SHANK1: variants seen among roughly 807,000 people sequenced by gnomAD.
SHANK1 encodes the protein SH3 and multiple ankyrin repeat domains 1.
In SHANK1, 35 loss-of-function variants were observed where a neutral mutation model predicts 165.6. The observed-to-expected ratio is 0.21, with a 90% CI of 0.16 to 0.28. The LOEUF (loss-of-function observed/expected upper bound fraction) is 0.28, where lower values mean the gene tolerates loss of function less well. SHANK1 is among the 10% of genes least tolerant of loss of function. The pLI is 1.00. For missense variants in SHANK1, 2,681 were observed against 3,036.4 expected (o/e 0.88, Z 2.75); for synonymous variants, 1,428 against 1,384.8 (o/e 1.03, Z -0.69).
intron 12 of SHANK1, among the ~76,000 whole-genome samples, chr19:50,701,738 G>A (rs1044907140): frequency 2.0e-5 from 3 of 152,140 alleles, no homozygotes; most frequent in African/African-American, 7.2e-5. Flanking sequence ...GCAAAGAATT[G>A]TTCCAATGCC....
intron 4 of SHANK1, 90 bp downstream of exon 4, chr19:50,715,569 A>G (rs1357360235): frequency 1.7e-5 from 19 of 1,145,034 alleles, no homozygotes; most frequent in Non-Finnish European, 2.0e-5. Context: ...GTGGAGGTCT[A>G]TTGGGAAGAG....
Position 50,716,021 on chromosome 19 carries a change from C to A in SHANK1, c.459+254G>T, listed in dbSNP as rs533448966. Among the ~76,000 whole-genome samples the A allele has an allele frequency of 9.2e-5, 14 of 152,264 alleles. No individual in the cohort carries two copies. The highest frequency in any genetic ancestry group is 3.4e-4 in the African/African-American group (14 of 41,556). Reference sequence around the variant, plus strand: ...AGTGCCTACTGTAATTGGGAATCCTCCCCCAATTTGATGGGTGAGGAGAAG... The same window carrying A: ...AGTGCCTACTGTAATTGGGAATCCTACCCCAATTTGATGGGTGAGGAGAAG... On this transcript the variant is annotated intron_variant, in intron 3 of 23. Transcript: ENST00000293441. This position sits in a 1 kb window ranked among gnomAD's most constrained non-coding sequence, Gnocchi z 8.4.
intron 15 of SHANK1, 135 bp downstream of exon 15, chr19:50,696,961 C>T: frequency 1.3e-6 from 1 of 758,638 alleles, no homozygotes; most frequent in Non-Finnish European, 2.3e-6. Context: ...AGATGCGTGT[C>T]ATGCACACCT....
In SHANK1 at chr19:50,659,362, G is replaced by T. The variant is rs1212174221; in HGVS notation, c.*2603C>A. 7.8e-6 allele frequency: 3 copies of T among 382,178 alleles called. No homozygotes were observed. The highest frequency in any genetic ancestry group is 4.6e-5 in the Admixed American group (1 of 21,668). The allele number at this position is 382,178 out of a possible 1,614,324, so 23.7% of individuals were successfully genotyped here. ...AGTCAGGGGAAGGGAGGTGATGGGG[G>T]GTAGGAATGAACCCCCATGTTATAA... On this transcript the variant is annotated 3_prime_UTR_variant, in exon 24 of 24. Coordinates refer to ENST00000293441, the MANE Select transcript of SHANK1 (RefSeq NM_016148.5).
intron 21 of SHANK1, among the ~76,000 whole-genome samples, chr19:50,680,559 C>CG (rs1015342445): frequency 4.1e-4 from 62 of 152,132 alleles, no homozygotes; most frequent in African/African-American, 1.5e-3. Flanking sequence ...CTGGGCTCCG[C>CG]GCCCCTGCTG....
At position 50,667,757 on chromosome 19, in the gene SHANK1, G is replaced by A. The variant is rs944459962; in HGVS notation, c.4203C>T (p.His1401=). The A allele has an allele frequency of 6.1e-6, 8 of 1,312,444 alleles. No homozygotes were observed. The highest frequency in any genetic ancestry group is 2.7e-4 in the Middle Eastern group (1 of 3,724). The allele number at this position is 1,312,444 out of a possible 1,614,324, so 81.3% of individuals were successfully genotyped here. The change falls in exon 23 of 24, where the codon CAC becomes CAT. Residue 1401 remains histidine (H), a synonymous_variant. Transcript: ENST00000293441. This position sits in a 1 kb window ranked among gnomAD's most constrained non-coding sequence, Gnocchi z 5.7. ...TPHHHSPHAH[H]EPVLRLWGAS... ...CCCCCCAGAGACGCAGCACTGGCTC[G>A]TGGTGGGCGTGGGGCGAGTGGTGGT...
intron 21 of SHANK1, among the ~76,000 whole-genome samples, chr19:50,673,495 G>C (rs991061206): frequency 1.3e-5 from 2 of 151,960 alleles, no homozygotes; most frequent in Non-Finnish European, 2.9e-5. Context: ...CCTTTTCAGC[G>C]CGAAGTTCTC....
chr19:50,671,916 C>A (rs1347211308), intron 22 of SHANK1, 102 bp downstream of exon 22: 1 of 866,512 alleles, frequency 1.2e-6, no homozygotes, highest in East Asian at 2.7e-5. Context: ...AAACTATGGT[C>A]TCTCTGGGAG....
intron 12 of SHANK1, among the ~76,000 whole-genome samples, chr19:50,700,479 G>A (rs1986885469): frequency 6.6e-6 from 1 of 151,954 alleles, no homozygotes; most frequent in Non-Finnish European, 1.5e-5. Flanking sequence ...GAACCTTGTG[G>A]GTGAAAGGAA....
Position 50,661,688 on chromosome 19 carries a change from CCTT to C in SHANK1, c.*274_*276del, listed in dbSNP as rs1315670599. 2.9e-5 allele frequency: 14 copies of C among 480,750 alleles called. No individual in the cohort carries two copies. The highest frequency in any genetic ancestry group is 3.0e-5 in the Non-Finnish European group (8 of 265,202). The allele number at this position is 480,750 out of a possible 1,614,324, so 29.8% of individuals were successfully genotyped here. A position where few individuals can be genotyped will look rare whatever the true frequency, so the allele number is the denominator to read the frequency against. On this transcript the variant is annotated 3_prime_UTR_variant, in exon 24 of 24. Transcript: ENST00000293441. ...CTCCCCCCAGAATAGGCCCTTCCCT[CCTT>C]CTCAATTCCCCTCTGTAATTTCTCC...
chr19:50,680,565 T>C (rs1986144368), intron 21 of SHANK1, among the ~76,000 whole-genome samples: 1 of 152,038 alleles, frequency 6.6e-6, no homozygotes, highest in South Asian at 2.1e-4. Context: ...TCCGCGCCCC[T>C]GCTGTCCCTA....
intron 21 of SHANK1, among the ~76,000 whole-genome samples, chr19:50,676,381 G>T (rs755159607): frequency 3.3e-5 from 5 of 152,180 alleles, no homozygotes; most frequent in Non-Finnish European, 7.3e-5. Flanking sequence ...GGAGGTGAAG[G>T]AGGGGGCATA....
At chr19:50,701,567 A>C (rs1986917062) in intron 12 of SHANK1, among the ~76,000 whole-genome samples, 1 of 151,390 alleles carries the variant, frequency 6.6e-6, no homozygotes, top group Non-Finnish European at 1.5e-5. Context: ...TGACTCCTCC[A>C]ATCCTCATCA....
chr19:50,677,476 A>G (rs570261830), intron 21 of SHANK1, among the ~76,000 whole-genome samples: 36 of 152,104 alleles, frequency 2.4e-4, no homozygotes, highest in Non-Finnish European at 4.9e-4. Context: ...TTCTTGGTCA[A>G]GCCACCATTA....
intron 21 of SHANK1, among the ~76,000 whole-genome samples, chr19:50,678,416 G>C (rs1265022062): frequency 6.6e-6 from 1 of 151,944 alleles, no homozygotes; most frequent in Admixed American, 6.5e-5. Context: ...GGGGCACGGG[G>C]GCAGGTGGTG....
chr19:50,704,431 C>T lies in SHANK1; in HGVS notation c.1155+6G>A. ...AAACTCCAGCACATCCCCTGCAGCC[C>T]CAGACCTGGAAGGGGGTCTGTCCGT... On this transcript the variant is annotated splice_donor_region_variant and intron_variant, in intron 9 of 23. Coordinates refer to ENST00000293441, the MANE Select transcript of SHANK1 (RefSeq NM_016148.5). The T allele has an allele frequency of 6.2e-7, 1 of 1,613,400 alleles. No homozygotes were observed. Among genetic ancestry groups the T allele is most frequent in the South Asian group, 1.1e-5 (1 of 91,066 alleles).
chr19:50,717,158 C>T lies in SHANK1; in HGVS notation c.-43-196G>A, dbSNP rs1485352227. On this transcript the variant is annotated intron_variant, in intron 1 of 23. Coordinates refer to ENST00000293441, the MANE Select transcript of SHANK1 (RefSeq NM_016148.5). The surrounding 1 kb of genome is among the most constrained non-coding windows in gnomAD (Gnocchi z 5.5). ...CACGCTGGCACGCACACACCCCTGT[C>T]CCTGACATGCTTCTGGCATGTGTCT... Among the ~76,000 whole-genome samples, 2 of 152,208 alleles carry T rather than the reference C, an allele frequency of 1.3e-5. No homozygotes were observed. The highest frequency in any genetic ancestry group is 6.5e-5 in the Admixed American group (1 of 15,294).
At position 50,668,739 on chromosome 19, in the gene SHANK1, C is replaced by G; in HGVS notation, c.3221G>C (p.Gly1074Ala). 7.8e-7 allele frequency: 1 copy of G among 1,274,874 alleles called. No individual in the cohort carries two copies. Among genetic ancestry groups the G allele is most frequent in the Non-Finnish European group, 9.8e-7 (1 of 1,017,044 alleles). 79.0% of individuals were successfully genotyped at this position (1,274,874 alleles called of 1,614,324 possible). ...TAGAGCCGGGCCCTGGGAGGAGCCG[C>G]CGCCCCCGCCCGCGCTGCCGTGGTG... Reference protein sequence around the residue: ...PSHHGSAGGGGGSSQGPALRY... With the variant: ...PSHHGSAGGGAGSSQGPALRY... The change falls in exon 23 of 24, where the codon GGC (glycine) becomes GCC (alanine). Residue 1074 changes from glycine to alanine, a missense_variant. By Grantham distance (60) the Gly-to-Ala change is moderately conservative. Coordinates refer to ENST00000293441, the MANE Select transcript of SHANK1 (RefSeq NM_016148.5).
chr19:50,686,998 C>T lies in SHANK1; in HGVS notation c.2390-186G>A, dbSNP rs778153590. The T allele has an allele frequency of 2.9e-5, 42 of 1,462,170 alleles. No homozygotes were observed. The highest frequency in any genetic ancestry group is 3.5e-5 in the Non-Finnish European group (39 of 1,111,364). The allele number at this position is 1,462,170 out of a possible 1,614,324, so 90.6% of individuals were successfully genotyped here. ...GGTCGGGAGACGGGGGCCCTCCCGC[C>T]AGTCCTGTGCCCACTCACCACTCTT... On this transcript the variant is annotated intron_variant, in intron 19 of 23. Transcript: ENST00000293441. The surrounding 1 kb of genome is among the most constrained non-coding windows in gnomAD (Gnocchi z 5.7).
Sources: allele counts gnomAD v4.1 joint callset (sites outside exome capture counted in the v4.1 genomes callset), GRCh38; gene constraint gnomAD v4.1.1; non-coding constraint Gnocchi (gnomAD v3.1); transcripts MANE v1.5; gene names NCBI Gene and HGNC (gene_info 2026-07-23, HGNC 2026-07-21).